Variants in PDE4D observed in about 807,000 individuals in gnomAD.
PDE4D encodes the protein 3',5'-cyclic-AMP phosphodiesterase 4D.
In PDE4D, 24 loss-of-function variants were observed where a neutral mutation model predicts 87.4. The observed-to-expected ratio is 0.27, with a 90% CI of 0.20 to 0.39. PDE4D has a LOEUF of 0.39. Ranked by LOEUF, PDE4D falls within the 10% of genes least tolerant of loss-of-function variation. The pLI, the probability that PDE4D is intolerant of heterozygous loss-of-function variation, is 1.00. For synonymous variants in PDE4D, 384 were observed against 383.2 expected (o/e 1.00, Z -0.02); for missense variants, 714 against 1,041.0 (o/e 0.69, Z 4.32).
chr5:59,715,193 C>G (rs1020785545), intron 1 of PDE4D, among the ~76,000 whole-genome samples: 1 of 152,228 alleles, frequency 6.6e-6, no homozygotes, highest in African/African-American at 2.4e-5. Flanking sequence ...CGGACTGGGA[C>G]AGTGCAGACA....
At chr5:59,471,619 C>A (rs1189445449) in intron 1 of PDE4D, among the ~76,000 whole-genome samples, 2 of 152,242 alleles carry the variant, frequency 1.3e-5, no homozygotes, top group Non-Finnish European at 2.9e-5. Context: ...TCCCTCTACA[C>A]CCCTTCAAAT....
At chr5:59,564,598 A>G (rs2153692987) in intron 1 of PDE4D, among the ~76,000 whole-genome samples, 1 of 152,314 alleles carries the variant, frequency 6.6e-6, no homozygotes. Flanking sequence ...GCATATCCAA[A>G]CAAGCACAGG....
chr5:59,054,817 T>C (rs1190755278), intron 5 of PDE4D, among the ~76,000 whole-genome samples: 1 of 152,188 alleles, frequency 6.6e-6, no homozygotes, highest in East Asian at 1.9e-4. Context: ...AATCTACCAA[T>C]TGGTTTGAAA....
chr5:59,489,141 T>G (rs758763746), intron 1 of PDE4D, among the ~76,000 whole-genome samples: 2 of 151,802 alleles, frequency 1.3e-5, no homozygotes, highest in South Asian at 2.1e-4. Flanking sequence ...AAAAATTAGC[T>G]GAGTGTGGTA....
chr5:59,368,305 C>T (rs1031495994), intron 1 of PDE4D, among the ~76,000 whole-genome samples: 3 of 152,038 alleles, frequency 2.0e-5, no homozygotes, highest in Admixed American at 6.6e-5. Context: ...TTTCTCCATT[C>T]GGTAAATGAA....
intron 1 of PDE4D, among the ~76,000 whole-genome samples, chr5:59,775,457 A>G (rs1372712414): frequency 1.3e-5 from 2 of 152,180 alleles, no homozygotes; most frequent in African/African-American, 2.4e-5. Flanking sequence ...TCATTCTAAC[A>G]AGGTGGTTAC....
intron 1 of PDE4D, among the ~76,000 whole-genome samples, chr5:59,290,643 G>C (rs1391804765): frequency 6.6e-6 from 1 of 151,990 alleles, no homozygotes; most frequent in Non-Finnish European, 1.5e-5. Context: ...AAAGTGAAGA[G>C]ACAACCCACA....
intron 2 of PDE4D, among the ~76,000 whole-genome samples, chr5:60,044,110 A>C (rs1768868246): frequency 6.6e-6 from 1 of 151,830 alleles, no homozygotes; most frequent in Admixed American, 6.6e-5. Context: ...TTTTATACTC[A>C]ACAATAATTT....
At chr5:59,142,221 T>C (rs1777999606) in intron 5 of PDE4D, among the ~76,000 whole-genome samples, 1 of 152,250 alleles carries the variant, frequency 6.6e-6, no homozygotes, top group Admixed American at 6.5e-5. Context: ...CTAGCCCTCT[T>C]AGGCTTTGTC....
chr5:59,377,853 A>G (rs1784990512), intron 1 of PDE4D, among the ~76,000 whole-genome samples: 1 of 152,190 alleles, frequency 6.6e-6, no homozygotes, highest in Admixed American at 6.5e-5. Context: ...TAGTTCAACA[A>G]TTGTAGAAGA....
chr5:59,730,445 C>A (rs1757217521), intron 1 of PDE4D, among the ~76,000 whole-genome samples: 1 of 152,050 alleles, frequency 6.6e-6, no homozygotes, highest in Non-Finnish European at 1.5e-5. Flanking sequence ...CTTTAAAATG[C>A]AGTCACTTTA....
At chr5:60,123,423 T>C (rs537418426) in intron 2 of PDE4D, among the ~76,000 whole-genome samples, 4 of 152,160 alleles carry the variant, frequency 2.6e-5, no homozygotes, top group Non-Finnish European at 4.4e-5. Context: ...AGGTACTTCT[T>C]ACACGTCAGT....
intron 1 of PDE4D, among the ~76,000 whole-genome samples, chr5:59,404,050 A>C (rs1791168632): frequency 6.6e-6 from 1 of 152,222 alleles, no homozygotes; most frequent in Non-Finnish European, 1.5e-5. Context: ...TTCCCTGATG[A>C]CCAATGACAT....
chr5:60,027,164 C>A (rs773065012), intron 2 of PDE4D, among the ~76,000 whole-genome samples: 2 of 152,054 alleles, frequency 1.3e-5, no homozygotes, highest in African/African-American at 2.4e-5. Context: ...TTCTATTGAA[C>A]CTGTCACCTA....
intron 1 of PDE4D, among the ~76,000 whole-genome samples, chr5:59,447,987 G>A (rs1798592313): frequency 6.6e-6 from 1 of 152,180 alleles, no homozygotes; most frequent in Non-Finnish European, 1.5e-5. Context: ...AGTAATGAGA[G>A]CAAGAAATAA....
At chr5:60,079,813 G>T in intron 2 of PDE4D, among the ~76,000 whole-genome samples, 1 of 152,216 alleles carries the variant, frequency 6.6e-6, no homozygotes, top group Non-Finnish European at 1.5e-5. Context: ...GTAGCCTGCT[G>T]CCTCCAGCTT....
intron 1 of PDE4D, among the ~76,000 whole-genome samples, chr5:59,824,382 G>C (rs996042654): frequency 6.6e-6 from 1 of 152,156 alleles, no homozygotes; most frequent in Non-Finnish European, 1.5e-5. Context: ...TGTACTGCTA[G>C]TGAAGCTCTA....
intron 1 of PDE4D, among the ~76,000 whole-genome samples, chr5:59,384,704 TTCTC>T (rs915175165): frequency 1.3e-5 from 2 of 152,172 alleles, no homozygotes; most frequent in African/African-American, 4.8e-5. Flanking sequence ...TGAATGCTCT[TTCTC>T]AAGTCATTTT....
At chr5:59,193,637 G>C in intron 2 of PDE4D, 101 bp from the exon 3 acceptor site, 1 of 1,538,022 alleles carries the variant, frequency 6.5e-7, no homozygotes, top group South Asian at 1.2e-5. Context: ...AGTTCCCATA[G>C]AGAATTACAG....
Sources: allele counts gnomAD v4.1 joint callset (sites outside exome capture counted in the v4.1 genomes callset), GRCh38; gene constraint gnomAD v4.1.1; transcripts MANE v1.5; gene names NCBI Gene and HGNC (gene_info 2026-07-23, HGNC 2026-07-21).